The following KCNB2 variants were observed in gnomAD, a reference collection of about 807,000 sequenced individuals.
The protein encoded by KCNB2 is potassium voltage-gated channel subfamily B member 2.
KCNB2 carries 15 observed loss-of-function variants against 61.5 expected under a neutral mutation model. The ratio of observed to expected loss-of-function variants is 0.24; its 90% CI spans 0.16 to 0.38. The LOEUF (loss-of-function observed/expected upper bound fraction) is 0.38. Among genes scored for constraint, KCNB2 ranks in the 10% least tolerant of loss-of-function variants. The probability of loss-of-function intolerance (pLI) is 1.00; values close to 1 mark genes in which losing one functional copy is unlikely to be tolerated. For synonymous variants in KCNB2, 457 were observed against 446.0 expected (o/e 1.02, Z -0.31); for missense variants, 828 against 1,125.2 (o/e 0.74, Z 3.78).
chr8:72,706,309 T>C (rs1017447390), intron 2 of KCNB2, among the ~76,000 whole-genome samples: 1 of 152,248 alleles, frequency 6.6e-6, no homozygotes, highest in Non-Finnish European at 1.5e-5. Context: ...TAAATATTGA[T>C]ACTTGGTTAT....
chr8:72,802,180 G>T (rs531936647), intron 2 of KCNB2, among the ~76,000 whole-genome samples: 1 of 152,272 alleles, frequency 6.6e-6, no homozygotes, highest in African/African-American at 2.4e-5. Context: ...CTACCACAGA[G>T]CTGAATATTT....
chr8:72,621,986 G>A (rs951663603), intron 2 of KCNB2, among the ~76,000 whole-genome samples: 1 of 152,020 alleles, frequency 6.6e-6, no homozygotes, highest in Non-Finnish European at 1.5e-5. Context: ...AATTATATAT[G>A]GTTAACAGTT....
chr8:72,862,490 G>A lies in KCNB2; in HGVS notation c.580-73445G>A, dbSNP rs116148497. On this transcript the variant is annotated intron_variant, in intron 2 of 2. Coordinates refer to ENST00000523207, the MANE Select transcript of KCNB2 (RefSeq NM_004770.3). ...AAAATTTTTAGTAGTTACTAAACATGAAGTTTTTCAAGATATTTATATTAA... is the reference window on the plus strand; with the variant it reads ...AAAATTTTTAGTAGTTACTAAACATAAAGTTTTTCAAGATATTTATATTAA... Among the ~76,000 whole-genome samples, 321 of 152,154 alleles carry A rather than the reference G, an allele frequency of 2.1e-3. 2 individuals are homozygous for A. The highest frequency in any genetic ancestry group is 7.3e-3 in the African/African-American group (304 of 41,508).
intron 2 of KCNB2, among the ~76,000 whole-genome samples, chr8:72,851,030 C>T (rs901488017): frequency 2.2e-5 from 2 of 91,966 alleles, no homozygotes; most frequent in African/African-American, 7.3e-5. Flanking sequence ...CATCCAGACA[C>T]AGGCACTAAA....
chr8:72,704,618 C>G (rs1267396168), intron 2 of KCNB2, among the ~76,000 whole-genome samples: 1 of 151,958 alleles, frequency 6.6e-6, no homozygotes. Flanking sequence ...CCTCAGCTTT[C>G]AGAGGGACTC....
intron 2 of KCNB2, among the ~76,000 whole-genome samples, chr8:72,898,063 G>C (rs888209096): frequency 6.6e-6 from 1 of 152,108 alleles, no homozygotes; most frequent in Non-Finnish European, 1.5e-5. Context: ...TGGATTATCT[G>C]TCTTTTGTTT....
chr8:72,558,892 T>C (rs999289034), intron 1 of KCNB2, among the ~76,000 whole-genome samples: 4 of 152,128 alleles, frequency 2.6e-5, no homozygotes, highest in African/African-American at 4.8e-5. Context: ...CAATAATATG[T>C]GATCCTTGAG....
chr8:72,605,840 A>G (rs1805439521), intron 2 of KCNB2, among the ~76,000 whole-genome samples: 1 of 152,214 alleles, frequency 6.6e-6, no homozygotes, highest in East Asian at 1.9e-4. Context: ...GAATATAAAA[A>G]TCATACACTT....
intron 2 of KCNB2, among the ~76,000 whole-genome samples, chr8:72,873,989 T>A (rs776230967): frequency 1.1e-4 from 17 of 152,246 alleles, no homozygotes; most frequent in Non-Finnish European, 1.0e-4. Flanking sequence ...ATTTACAGTT[T>A]TGACATGATT....
At chr8:72,888,344 C>A (rs1222938966) in intron 2 of KCNB2, among the ~76,000 whole-genome samples, 1 of 152,026 alleles carries the variant, frequency 6.6e-6, no homozygotes, top group Non-Finnish European at 1.5e-5. Flanking sequence ...CTCCTGGGCT[C>A]AAGAGATCCA....
intron 2 of KCNB2, among the ~76,000 whole-genome samples, chr8:72,607,566 C>A (rs1310920462): frequency 2.6e-5 from 4 of 152,114 alleles, no homozygotes; most frequent in African/African-American, 9.7e-5. Context: ...GAGGATAAAA[C>A]ATGTAAGTGT....
intron 2 of KCNB2, among the ~76,000 whole-genome samples, chr8:72,862,396 A>G (rs1166438856): frequency 1.3e-5 from 2 of 152,198 alleles, no homozygotes; most frequent in African/African-American, 4.8e-5. Flanking sequence ...GCTATTAGTT[A>G]AAAGTGGCCA....
chr8:72,913,695 G>A (rs1379349827), intron 2 of KCNB2, among the ~76,000 whole-genome samples: 2 of 152,196 alleles, frequency 1.3e-5, no homozygotes, highest in Non-Finnish European at 2.9e-5. Context: ...GTCTCTGGTT[G>A]CCCTTGACAG....
chr8:72,837,175 T>G (rs1230828974), intron 2 of KCNB2, among the ~76,000 whole-genome samples: 1 of 152,204 alleles, frequency 6.6e-6, no homozygotes, highest in African/African-American at 2.4e-5. Flanking sequence ...CTGTCTAGTG[T>G]TCTCATAATT....
intron 2 of KCNB2, among the ~76,000 whole-genome samples, chr8:72,774,140 A>G (rs542887643): frequency 2.8e-4 from 42 of 152,266 alleles, no homozygotes; most frequent in Non-Finnish European, 5.3e-4. Flanking sequence ...ACTGAGGCAC[A>G]GAAAGTAACT....
chr8:72,752,901 C>T (rs1400274167), intron 2 of KCNB2, among the ~76,000 whole-genome samples: 1 of 152,156 alleles, frequency 6.6e-6, no homozygotes, highest in African/African-American at 2.4e-5. Context: ...GACAGGACAC[C>T]TAAGCTCTCA....
chr8:72,556,788 G>A (rs989075851), intron 1 of KCNB2, among the ~76,000 whole-genome samples: 5 of 152,084 alleles, frequency 3.3e-5, no homozygotes, highest in Non-Finnish European at 7.4e-5. Flanking sequence ...TTTTGGAAGC[G>A]GTCTGCTTTG....
chr8:72,920,475 A>G (rs1422900832), intron 2 of KCNB2, among the ~76,000 whole-genome samples: 457 of 57,340 alleles, frequency 8.0e-3, no homozygotes, highest in Non-Finnish European at 9.9e-3. Flanking sequence ...CTATCTATCT[A>G]TATATATATA....
intron 2 of KCNB2, among the ~76,000 whole-genome samples, chr8:72,607,356 G>A (rs748492884): frequency 2.0e-5 from 3 of 152,072 alleles, no homozygotes; most frequent in African/African-American, 7.2e-5. Context: ...ATGATTACAA[G>A]GCACTCCAAG....
Sources: allele counts gnomAD v4.1 joint callset (sites outside exome capture counted in the v4.1 genomes callset), GRCh38; gene constraint gnomAD v4.1.1; transcripts MANE v1.5; gene names NCBI Gene and HGNC (gene_info 2026-07-23, HGNC 2026-07-21).